The following UPF2 variants were observed in gnomAD, a reference collection of about 807,000 sequenced individuals.
UPF2 encodes the protein UPF2 regulator of nonsense mediated mRNA decay.
In UPF2, 17 loss-of-function variants were observed where a neutral mutation model predicts 141.4. The ratio of observed to expected loss-of-function variants is 0.12; its 90% CI spans 0.08 to 0.18. The LOEUF (loss-of-function observed/expected upper bound fraction) is 0.18. Ranked by LOEUF, UPF2 falls within the 10% of genes least tolerant of loss-of-function variation. The pLI, the probability that UPF2 is intolerant of heterozygous loss-of-function variation, is 1.00. For synonymous variants in UPF2, 540 were observed against 498.0 expected (o/e 1.08, Z -1.12); for missense variants, 1,152 against 1,515.9 (o/e 0.76, Z 3.99).
chr10:12,024,419 G>T (rs1834372973), intron 3 of UPF2, among the ~76,000 whole-genome samples: 1 of 152,120 alleles, frequency 6.6e-6, no homozygotes, highest in Non-Finnish European at 1.5e-5. Flanking sequence ...AGACGAGCCT[G>T]GGCAACATGG....
intron 3 of UPF2, among the ~76,000 whole-genome samples, chr10:12,017,859 G>A (rs1442531626): frequency 6.6e-6 from 1 of 152,048 alleles, no homozygotes. Flanking sequence ...TGTCATCTAC[G>A]TTAGGTATTT....
chr10:11,947,611 C>T (rs1433028876), intron 16 of UPF2, among the ~76,000 whole-genome samples: 2 of 151,280 alleles, frequency 1.3e-5, no homozygotes, highest in Non-Finnish European at 2.9e-5. Flanking sequence ...GCAAGATCCC[C>T]ATCTCTACAA....
intron 8 of UPF2, among the ~76,000 whole-genome samples, chr10:11,990,969 G>A (rs1418703882): frequency 2.2e-5 from 3 of 137,734 alleles, no homozygotes; most frequent in South Asian, 2.3e-4. Context: ...GCGCTTGAGC[G>A]ACAGAGCAAG....
chr10:12,012,535 A>ACC (rs1469041618), intron 4 of UPF2, among the ~76,000 whole-genome samples: 3 of 151,540 alleles, frequency 2.0e-5, no homozygotes, highest in Non-Finnish European at 4.4e-5. Context: ...ATCTCAGCAC[A>ACC]TTGGGAGGCC....
Position 11,930,058 on chromosome 10 carries a change from T to C in UPF2, c.3689-73A>G, listed in dbSNP as rs572081100. The C allele has an allele frequency of 1.4e-4, 218 of 1,592,310 alleles. No individual in the cohort carries two copies. The African/African-American group carries it at 2.6e-3, about 19-fold the overall frequency. ...TACTCCTCCTACAGAGTGAACGAAA[T>C]GTTGGGGAGATTAAGTTTATTAGTC... On this transcript the variant is annotated intron_variant, in intron 20 of 21. Coordinates refer to ENST00000357604, the MANE Select transcript of UPF2 (RefSeq NM_015542.4).
chr10:11,965,865 T>C (rs533011459), intron 10 of UPF2, among the ~76,000 whole-genome samples: 1 of 152,270 alleles, frequency 6.6e-6, no homozygotes, highest in African/African-American at 2.4e-5. Context: ...TGAGACCTGT[T>C]TTGTGTGATA....
intron 2 of UPF2, among the ~76,000 whole-genome samples, chr10:12,031,510 T>C (rs1035778639): frequency 6.6e-4 from 100 of 152,308 alleles, no homozygotes; most frequent in Non-Finnish European, 4.9e-4. Flanking sequence ...GTTTTTGAGA[T>C]AACAAAACAC....
At chr10:11,986,840 C>G (rs544143055) in intron 8 of UPF2, among the ~76,000 whole-genome samples, 3 of 152,268 alleles carry the variant, frequency 2.0e-5, no homozygotes, top group South Asian at 4.1e-4. Context: ...TCTCACAGTT[C>G]CAAATTGAGT....
rs2131306626 is a variant in UPF2 at position 12,028,831 on chromosome 10, C to T, written c.1059G>A (p.Gln353=). ...IISPEKQQPF[Q]NLLKEYFTSL... is the part of the protein sequence containing the mutation. ...ACGTAAAGTACTCTTTTAAAAGATT[C>T]TGGAAGGGCTGTTGTTTCTCTGGAC... Residue 353 remains glutamine (Q), a synonymous_variant, in exon 3 of 22, where the codon CAG becomes CAA. Coordinates refer to ENST00000357604, the MANE Select transcript of UPF2 (RefSeq NM_015542.4). 6.2e-7 allele frequency: 1 copy of T among 1,614,126 alleles called. No homozygotes were observed. The highest frequency in any genetic ancestry group is 2.2e-5 in the East Asian group (1 of 44,876).
At chr10:11,984,718 T>TAAAA (rs34157281) in intron 8 of UPF2, among the ~76,000 whole-genome samples, 1 of 130,530 alleles carries the variant, frequency 7.7e-6, no homozygotes, top group East Asian at 2.2e-4. Flanking sequence ...CTTTGCTCTT[T>TAAAA]AAAAAAAAAA....
At chr10:11,965,834 T>C (rs551459764) in intron 10 of UPF2, among the ~76,000 whole-genome samples, 5 of 152,324 alleles carry the variant, frequency 3.3e-5, no homozygotes, top group African/African-American at 9.6e-5. Context: ...CCTCAGGATG[T>C]TCCAAATGTA....
chr10:11,922,728 C>G (rs1193904338), intron 21 of UPF2, among the ~76,000 whole-genome samples: 1 of 151,874 alleles, frequency 6.6e-6, no homozygotes, highest in Non-Finnish European at 1.5e-5. Context: ...ACAATGGACT[C>G]TATTGTATAA....
At position 12,016,097 on chromosome 10, in the gene UPF2, T is replaced by C. The variant is rs1308716609; in HGVS notation, c.1146-1913A>G. On this transcript the variant is annotated intron_variant, in intron 3 of 21. Transcript: ENST00000357604. The surrounding 1 kb of genome is among the most constrained non-coding windows in gnomAD (Gnocchi z 4.1). Reference sequence around the variant, plus strand: ...TTTTAAAAATTAAAACAAAAACCCATAGCATTTTAACATACTCATACCTAT... The same window carrying C: ...TTTTAAAAATTAAAACAAAAACCCACAGCATTTTAACATACTCATACCTAT... 6.6e-6 allele frequency among the ~76,000 whole-genome samples: 1 copy of C among 152,078 alleles called. No homozygotes were observed. Among genetic ancestry groups the C allele is most frequent in the Admixed American group, 6.6e-5 (1 of 15,258 alleles).
chr10:11,941,045 A>G (rs1832930207), intron 18 of UPF2, among the ~76,000 whole-genome samples: 1 of 152,094 alleles, frequency 6.6e-6, no homozygotes. Flanking sequence ...CTACCAAAGC[A>G]TTCTGCTCTT....
intron 21 of UPF2, among the ~76,000 whole-genome samples, chr10:11,925,176 C>G (rs1832696380): frequency 6.6e-6 from 1 of 152,166 alleles, no homozygotes; most frequent in Non-Finnish European, 1.5e-5. Flanking sequence ...GGTAAAATCT[C>G]ATGTTTCCAT....
At position 11,921,277 on chromosome 10, in the gene UPF2, G is replaced by A; in HGVS notation, c.*21C>T. The A allele has an allele frequency of 6.2e-7, 1 of 1,614,152 alleles. No individual in the cohort carries two copies. On this transcript the variant is annotated 3_prime_UTR_variant, in exon 22 of 22. Transcript: ENST00000357604. This position sits in a 1 kb window ranked among gnomAD's most constrained non-coding sequence, Gnocchi z 5.9. ...CACAACATCAGATACAGGACCTAAT[G>A]AAATGACACGTGCTGCTGGATCAAC...
At chr10:11,944,365 G>A (rs1832974814) in intron 16 of UPF2, among the ~76,000 whole-genome samples, 1 of 152,010 alleles carries the variant, frequency 6.6e-6, no homozygotes, top group Admixed American at 6.5e-5. Context: ...GTGGTGGCAG[G>A]CACCTGTAAT....
At chr10:11,984,556 TCA>T (rs1833654859) in intron 8 of UPF2, among the ~76,000 whole-genome samples, 2 of 152,080 alleles carry the variant, frequency 1.3e-5, no homozygotes, top group Admixed American at 6.6e-5. Flanking sequence ...CTATGTCATT[TCA>T]CTTTTCTTCT....
At chr10:12,000,088 G>A in intron 6 of UPF2, 79 bp from the exon 7 acceptor site, 1 of 1,246,112 alleles carries the variant, frequency 8.0e-7, no homozygotes, top group South Asian at 1.3e-5. Context: ...GAATTATTTG[G>A]AAAATAGATA....
Sources: gnomAD v4.1 joint callset for allele counts (sites outside exome capture counted in the v4.1 genomes callset) on GRCh38, gnomAD v4.1.1 for gene constraint, Gnocchi (gnomAD v3.1) non-coding constraint, MANE v1.5 for transcripts, NCBI Gene and HGNC (gene_info 2026-07-23, HGNC 2026-07-21) for gene names.